The following CYTH4 variants were observed in gnomAD, a reference collection of about 807,000 sequenced individuals.
The protein encoded by CYTH4 is cytohesin-4.
Under a neutral mutation model 57.5 loss-of-function variants are expected in CYTH4, and 22 were observed. The observed-to-expected ratio is 0.38, with a 90% CI of 0.27 to 0.55. CYTH4 has a LOEUF of 0.55. Ranked by LOEUF, CYTH4 falls within the 20% of genes least tolerant of loss-of-function variation. CYTH4 has a pLI of 0.74. For synonymous variants in CYTH4, 186 were observed against 206.5 expected (o/e 0.90, Z 0.85); for missense variants, 420 against 535.6 (o/e 0.78, Z 2.13).
rs775696955 is a variant in CYTH4, at chr22:37,294,648, GC to G, written c.103-10del. 1.1e-5 allele frequency: 18 copies of G among 1,613,586 alleles called. No homozygotes were observed. The South Asian group carries it at 2.0e-4, about 18-fold the overall frequency. ...CCCTGACTCTCCCTGTCCTGCCCCT[GC>G]CACCCCACAGAAGCTGAAGGATGAG... On this transcript the variant is annotated splice_polypyrimidine_tract_variant and intron_variant, in intron 2 of 12. Coordinates refer to ENST00000248901, the MANE Select transcript of CYTH4 (RefSeq NM_013385.5).
chr22:37,311,905 T>A lies in CYTH4; in HGVS notation c.958-115T>A. 1 of 1,345,556 alleles carries A rather than the reference T, an allele frequency of 7.4e-7. No homozygotes were observed. Among genetic ancestry groups the A allele is most frequent in the Non-Finnish European group, 1.0e-6 (1 of 983,210 alleles). 83.4% of individuals were successfully genotyped at this position (1,345,556 alleles called of 1,614,324 possible). On this transcript the variant is annotated intron_variant, in intron 11 of 12. Transcript: ENST00000248901. This position sits in a 1 kb window ranked among gnomAD's most constrained non-coding sequence, Gnocchi z 4.4. ...GAGCAGCAGCTCCTGCCCCTTCGCCTGTCGTAGGGCTGTCACGCTGATCAG... is the reference window on the plus strand; with the variant it reads ...GAGCAGCAGCTCCTGCCCCTTCGCCAGTCGTAGGGCTGTCACGCTGATCAG...
chr22:37,313,838 C>G lies in CYTH4; in HGVS notation c.*327C>G. 2.9e-6 allele frequency: 1 copy of G among 344,404 alleles called. No individual in the cohort carries two copies. Among genetic ancestry groups the G allele is most frequent in the Non-Finnish European group, 5.4e-6 (1 of 186,286 alleles). 21.3% of individuals were successfully genotyped at this position (344,404 alleles called of 1,614,324 possible). A position where few individuals can be genotyped will look rare whatever the true frequency, so the allele number is the denominator to read the frequency against. ...TGCAACTTCTCTTCTCTCTGGACTT[C>G]GGTGTCCTCGGCTCTGAAGGCGCTC... On this transcript the variant is annotated 3_prime_UTR_variant, in exon 13 of 13. Transcript: ENST00000248901.
chr22:37,307,026 C>A (rs1256028535), intron 8 of CYTH4, among the ~76,000 whole-genome samples: 1 of 152,220 alleles, frequency 6.6e-6, no homozygotes. Flanking sequence ...CACAGAGGAG[C>A]AGAAACTCCC....
intron 7 of CYTH4, among the ~76,000 whole-genome samples, chr22:37,301,234 G>T (rs77539556): frequency 2.0e-5 from 3 of 152,160 alleles, no homozygotes; most frequent in Admixed American, 2.0e-4. Context: ...GTCAGGAGAC[G>T]ATGGCACAGG....
At chr22:37,304,144 G>A (rs1363126047) in intron 8 of CYTH4, 1 of 456,660 alleles carries the variant, frequency 2.2e-6, no homozygotes, top group Admixed American at 2.3e-5. Flanking sequence ...CTTCACAGAG[G>A]AGGTGACTTC....
chr22:37,308,332 T>C (rs1488019724), intron 8 of CYTH4, among the ~76,000 whole-genome samples: 1 of 152,232 alleles, frequency 6.6e-6, no homozygotes, highest in Non-Finnish European at 1.5e-5. Flanking sequence ...TGTGTCTGTG[T>C]GTGTAAGCAT....
rs56149425 is a variant in CYTH4, at chr22:37,293,549, C to T, written c.102+846C>T. ...CCCCATTGTATTTGTGGGGCAACCA[C>T]TCAGTGGCTCTGCCAAGATGGCATG... On this transcript the variant is annotated intron_variant, in intron 2 of 12. Transcript: ENST00000248901. Among the ~76,000 whole-genome samples the T allele has an allele frequency of 1.8e-3, 274 of 152,400 alleles. 2 individuals are homozygous for T. Among genetic ancestry groups the T allele is most frequent in the African/African-American group, 6.4e-3 (266 of 41,594 alleles).
intron 8 of CYTH4, among the ~76,000 whole-genome samples, chr22:37,306,662 G>A (rs1929408569): frequency 1.3e-5 from 2 of 152,324 alleles, no homozygotes; most frequent in African/African-American, 2.4e-5. Flanking sequence ...CTTCAGAAAT[G>A]CTGGCTTCAG....
intron 1 of CYTH4, 89 bp from the exon 2 acceptor site, chr22:37,292,532 T>C (rs914348419): frequency 3.3e-5 from 45 of 1,376,258 alleles, no homozygotes; most frequent in Non-Finnish European, 4.3e-5. Flanking sequence ...AAGTCCTGGG[T>C]TTCCGGAGGG....
At chr22:37,312,517 T>C (rs987548277) in intron 12 of CYTH4, among the ~76,000 whole-genome samples, 2 of 151,876 alleles carry the variant, frequency 1.3e-5, no homozygotes, top group Non-Finnish European at 2.9e-5. Context: ...CTGGTGGAGG[T>C]GGAGGGAAGG....
At chr22:37,285,829 G>A (rs539127689) in intron 1 of CYTH4, among the ~76,000 whole-genome samples, 50 of 152,284 alleles carry the variant, frequency 3.3e-4, no homozygotes, top group African/African-American at 9.6e-4. Flanking sequence ...AGTAGGCTCC[G>A]TGTGCACCAT....
At chr22:37,289,628 G>A (rs1431237273) in intron 1 of CYTH4, among the ~76,000 whole-genome samples, 2 of 152,176 alleles carry the variant, frequency 1.3e-5, no homozygotes, top group Non-Finnish European at 2.9e-5. Context: ...GAGCCTACTG[G>A]AGCCCTCTGG....
intron 2 of CYTH4, among the ~76,000 whole-genome samples, chr22:37,292,973 T>C (rs1928806464): frequency 6.6e-6 from 1 of 152,180 alleles, no homozygotes; most frequent in Non-Finnish European, 1.5e-5. Context: ...TTACTTGCTT[T>C]GTCACAGGGC....
At position 37,311,759 on chromosome 22, in the gene CYTH4, G is replaced by A. The variant is rs890535703; in HGVS notation, c.957+232G>A. On this transcript the variant is annotated intron_variant, in intron 11 of 12. Transcript: ENST00000248901. This position sits in a 1 kb window ranked among gnomAD's most constrained non-coding sequence, Gnocchi z 4.4. ...CCTGTTGTCCCACACAGCCCGACTGGCTGGATGGCCCCGAGTAAGCTCCAC... is the reference window on the plus strand; with the variant it reads ...CCTGTTGTCCCACACAGCCCGACTGACTGGATGGCCCCGAGTAAGCTCCAC... 13 of 651,800 alleles carry A rather than the reference G, an allele frequency of 2.0e-5. No homozygotes were observed. The highest frequency in any genetic ancestry group is 1.7e-4 in the South Asian group (9 of 51,872). The allele number at this position is 651,800 out of a possible 1,614,324, so 40.4% of individuals were successfully genotyped here.
rs565271503 is a variant in CYTH4 at position 37,297,569 on chromosome 22, C to A, written c.240C>A (p.Ile80=). 2.0e-5 allele frequency: 33 copies of A among 1,613,526 alleles called. No homozygotes were observed. In the East Asian group the frequency reaches 5.1e-4, roughly 25 times the overall value. ...CTTCTGTGTACCCCCTCCAGGGTAT[C>A]CAGTATTTCATTGAGCACAAGCTGC... ...KKFNMDPAKG[I]QYFIEHKLLT... The change falls in exon 5 of 13, where the codon ATC becomes ATA. Residue 80 remains isoleucine, a synonymous_variant. Coordinates refer to ENST00000248901, the MANE Select transcript of CYTH4 (RefSeq NM_013385.5).
At position 37,300,821 on chromosome 22, in the gene CYTH4, A is replaced by G; in HGVS notation, c.435-86A>G. 4.6e-6 allele frequency: 5 copies of G among 1,087,566 alleles called. No individual in the cohort carries two copies. In the South Asian group the frequency reaches 6.6e-5, roughly 14 times the overall value. 67.4% of individuals were successfully genotyped at this position (1,087,566 alleles called of 1,614,324 possible). The stretch of plus-strand genomic sequence containing the variant: ...ATTCCCCCATTTACAGGATACAGAG[A>G]CTAAACCTGGGAGAGGCAGGGCAGC... On this transcript the variant is annotated intron_variant, in intron 6 of 12. Transcript: ENST00000248901.
intron 1 of CYTH4, chr22:37,292,281 CTCTT>C (rs1254335874): frequency 1.1e-5 from 3 of 267,404 alleles, no homozygotes; most frequent in East Asian, 7.0e-5. Flanking sequence ...ACATGTCAGA[CTCTT>C]TCTAGGTGCT....
rs1929789402 is a variant in CYTH4 at position 37,314,693 on chromosome 22, G to A, written c.*1182G>A. 2.9e-6 allele frequency: 1 copy of A among 347,390 alleles called. No homozygotes were observed. Among genetic ancestry groups the A allele is most frequent in the African/African-American group, 2.1e-5 (1 of 47,574 alleles). The allele number at this position is 347,390 out of a possible 1,614,324, so 21.5% of individuals were successfully genotyped here. A position where few individuals can be genotyped will look rare whatever the true frequency, so the allele number is the denominator to read the frequency against. ...GCCAGCTCTGTCTCCAGGGAGGCCTGGCCTGGAGGAGGAGTCCACTAACAG... is the reference window on the plus strand; with the variant it reads ...GCCAGCTCTGTCTCCAGGGAGGCCTAGCCTGGAGGAGGAGTCCACTAACAG... On this transcript the variant is annotated 3_prime_UTR_variant, in exon 13 of 13. Transcript: ENST00000248901.
intron 6 of CYTH4, chr22:37,300,062 C>A (rs1929124049): frequency 1.4e-6 from 1 of 717,266 alleles, no homozygotes; most frequent in East Asian, 2.7e-5. Context: ...ATAGTACCAA[C>A]TTCACAGGGT....
Sources: allele counts gnomAD v4.1 joint callset (sites outside exome capture counted in the v4.1 genomes callset), GRCh38; gene constraint gnomAD v4.1.1; non-coding constraint Gnocchi (gnomAD v3.1); transcripts MANE v1.5; gene names NCBI Gene and HGNC (gene_info 2026-07-23, HGNC 2026-07-21).